LMO7: variants seen among roughly 807,000 people sequenced by gnomAD.
The protein encoded by LMO7 is LIM domain 7, also known as LIM domain only protein 7.
LMO7 carries 120 observed loss-of-function variants against 206.5 expected under a neutral mutation model. The observed-to-expected ratio is 0.58, with a 90% CI of 0.50 to 0.68. The LOEUF (loss-of-function observed/expected upper bound fraction) is 0.68. LMO7 is among the 30% of genes least tolerant of loss of function. The pLI is 0.00. For missense variants in LMO7, 1,959 were observed against 1,957.9 expected, an observed-to-expected ratio of 1.00 and a Z score of -0.01; for synonymous variants, 706 against 681.5, an observed-to-expected ratio of 1.04 and a Z score of -0.56.
Position 75,837,508 on chromosome 13 carries a change from G to C in LMO7, c.3395-632G>C, listed in dbSNP as rs183813130. On this transcript the variant is annotated intron_variant, in intron 19 of 30. Transcript: ENST00000377534. ...AGTAATAATCATAGGTACATTTTATGCCATAGTCTTGTGACAGATCTATGG... is the reference window on the plus strand; with the variant it reads ...AGTAATAATCATAGGTACATTTTATCCCATAGTCTTGTGACAGATCTATGG... 3.1e-3 allele frequency among the ~76,000 whole-genome samples: 477 copies of C among 152,094 alleles called. 3 individuals are homozygous for C. The highest frequency in any genetic ancestry group is 0.011 in the African/African-American group (466 of 41,494).
chr13:75,741,001 C>A (rs1330009787), intron 3 of LMO7, among the ~76,000 whole-genome samples: 4 of 152,114 alleles, frequency 2.6e-5, no homozygotes, highest in Non-Finnish European at 5.9e-5. Flanking sequence ...TTGCATCAGA[C>A]CTTGGTGTTT....
At position 75,853,101 on chromosome 13, in the gene LMO7, T is replaced by C. The variant is rs762671185; in HGVS notation, c.4374T>C (p.Ser1458=). 6.3e-7 allele frequency: 1 copy of C among 1,597,314 alleles called. No individual in the cohort carries two copies. The highest frequency in any genetic ancestry group is 1.1e-5 in the South Asian group (1 of 89,488). Residue 1458 remains serine, a synonymous_variant, in exon 28 of 31, where the codon TCT becomes TCC. Coordinates refer to ENST00000377534, the MANE Select transcript of LMO7 (RefSeq NM_001306080.2). ...CTTTTTTGTGTTTCAGAGGCGAATCTTTAGATAACCTGGACTCCCCCCGAT... is the reference window on the plus strand; with the variant it reads ...CTTTTTTGTGTTTCAGAGGCGAATCCTTAGATAACCTGGACTCCCCCCGAT... ...SLPGIMRRGE[S]LDNLDSPRSN... is the part of the protein sequence containing the mutation.
intron 1 of LMO7, among the ~76,000 whole-genome samples, chr13:75,637,505 G>A (rs907102788): frequency 6.6e-6 from 1 of 152,160 alleles, no homozygotes; most frequent in Non-Finnish European, 1.5e-5. Flanking sequence ...TATTCCACTG[G>A]ACGCAAAAGA....
chr13:75,676,070 T>A (rs1336812365), intron 1 of LMO7, among the ~76,000 whole-genome samples: 2 of 152,244 alleles, frequency 1.3e-5, no homozygotes, highest in Non-Finnish European at 2.9e-5. Flanking sequence ...TTAGATGTAG[T>A]CACATTGCTG....
chr13:75,848,192 G>T (rs2139481287), intron 26 of LMO7, among the ~76,000 whole-genome samples: 1 of 152,202 alleles, frequency 6.6e-6, no homozygotes, highest in Admixed American at 6.5e-5. Context: ...AGCTGAATTT[G>T]TAGTCTTTTG....
At position 75,840,433 on chromosome 13, in the gene LMO7, G is replaced by A. The variant is rs534973931; in HGVS notation, c.3520G>A (p.Asp1174Asn). Residue 1174 changes from aspartate to asparagine, a missense_variant, in exon 22 of 31, where the codon GAT becomes AAT. Transcript: ENST00000377534. ...TISAPSRWVW[D>N]QEEERKRQER... ...CAGTGCCCCGAGTCGCTGGGTGTGGGATCAAGAGGAGGAGCGGAAGCGGCA... is the reference window on the plus strand; with the variant it reads ...CAGTGCCCCGAGTCGCTGGGTGTGGAATCAAGAGGAGGAGCGGAAGCGGCA... The A allele has an allele frequency of 1.9e-6, 3 of 1,613,936 alleles. No homozygotes were observed. Among genetic ancestry groups the A allele is most frequent in the Non-Finnish European group, 1.7e-6 (2 of 1,179,994 alleles).
intron 4 of LMO7, among the ~76,000 whole-genome samples, chr13:75,793,358 C>T (rs1188039519): frequency 6.6e-6 from 1 of 152,206 alleles, no homozygotes; most frequent in Non-Finnish European, 1.5e-5. Flanking sequence ...TCACTGCAAC[C>T]TCCGCCTCCC....
At position 75,807,550 on chromosome 13, in the gene LMO7, A is replaced by G. The variant is rs1384757859; in HGVS notation, c.1267A>G (p.Ile423Val). 1 of 1,613,916 alleles carries G rather than the reference A, an allele frequency of 6.2e-7. No homozygotes were observed. The highest frequency in any genetic ancestry group is 8.5e-7 in the Non-Finnish European group (1 of 1,179,872). ...CTTGTCTTCTGAAACACATACCAAA[A>G]TTGATCCCACTTCTGGCCCAAGGCT... is the stretch of plus-strand genomic sequence containing the variant. The part of the protein sequence containing the change: ...DILSSETHTK[I>V]DPTSGPRLIT... The change falls in exon 10 of 31, where the codon ATT (isoleucine) becomes GTT (valine). Residue 423 changes from isoleucine to valine, a missense_variant. Coordinates refer to ENST00000377534, the MANE Select transcript of LMO7 (RefSeq NM_001306080.2).
At chr13:75,696,140 A>G (rs1359025126) in intron 1 of LMO7, among the ~76,000 whole-genome samples, 2 of 152,182 alleles carry the variant, frequency 1.3e-5, no homozygotes. Flanking sequence ...GTGGATCACG[A>G]GGTCAGGAGA....
chr13:75,783,269 C>T (rs1319095666), intron 4 of LMO7, among the ~76,000 whole-genome samples: 2 of 152,160 alleles, frequency 1.3e-5, no homozygotes, highest in Non-Finnish European at 2.9e-5. Flanking sequence ...AAGTTGGTTA[C>T]ACTTGCTAGA....
intron 1 of LMO7, among the ~76,000 whole-genome samples, chr13:75,711,442 G>T (rs1029053833): frequency 6.6e-6 from 1 of 152,092 alleles, no homozygotes; most frequent in African/African-American, 2.4e-5. Flanking sequence ...ACTTTTTTTG[G>T]TTGGTAAGCT....
intron 9 of LMO7, chr13:75,806,046 T>C (rs1375253018): frequency 6.8e-6 from 8 of 1,170,770 alleles, no homozygotes; most frequent in East Asian, 4.7e-5. Context: ...CTTTTCTTCA[T>C]GTCACTCACA....
intron 18 of LMO7, 124 bp from the exon 19 acceptor site, chr13:75,836,273 G>A: frequency 3.3e-6 from 2 of 609,932 alleles, no homozygotes; most frequent in Non-Finnish European, 5.8e-6. Flanking sequence ...AAGGCTGTAA[G>A]GAATGCATCA....
At chr13:75,726,389 A>C in intron 2 of LMO7, among the ~76,000 whole-genome samples, 1 of 152,118 alleles carries the variant, frequency 6.6e-6, no homozygotes, top group South Asian at 2.1e-4. Context: ...ATATTAACTT[A>C]AACTGGTTCT....
intron 2 of LMO7, among the ~76,000 whole-genome samples, chr13:75,718,214 G>C (rs2043715581): frequency 6.6e-6 from 1 of 152,210 alleles, no homozygotes; most frequent in Non-Finnish European, 1.5e-5. Flanking sequence ...ATGTCAAGTT[G>C]AAAGTCAGCT....
intron 3 of LMO7, among the ~76,000 whole-genome samples, chr13:75,730,890 A>T: frequency 6.9e-6 from 1 of 144,992 alleles, no homozygotes; most frequent in African/African-American, 2.6e-5. Flanking sequence ...TTATGTACCC[A>T]GTAGTCATTC....
chr13:75,661,483 A>G (rs1422845223), intron 1 of LMO7, among the ~76,000 whole-genome samples: 1 of 152,290 alleles, frequency 6.6e-6, no homozygotes, highest in East Asian at 1.9e-4. Flanking sequence ...AGAGGATGAA[A>G]GGAGGAAAGT....
chr13:75,655,588 G>A (rs1424291827), intron 1 of LMO7, among the ~76,000 whole-genome samples: 1 of 142,618 alleles, frequency 7.0e-6, no homozygotes, highest in African/African-American at 2.6e-5. Flanking sequence ...TCTAATGTTG[G>A]TAGTGCTGAT....
intron 5 of LMO7, 132 bp downstream of exon 5, chr13:75,795,563 C>A: frequency 1.6e-6 from 1 of 640,440 alleles, no homozygotes; most frequent in East Asian, 2.9e-5. Context: ...CAATCAGTTA[C>A]AAACAGTAAA....
Sources: allele counts gnomAD v4.1 joint callset (sites outside exome capture counted in the v4.1 genomes callset), GRCh38; gene constraint gnomAD v4.1.1; transcripts MANE v1.5; gene names NCBI Gene and HGNC (gene_info 2026-07-23, HGNC 2026-07-21).